Variants in ABLIM3 observed in about 807,000 individuals in gnomAD.
ABLIM3 encodes the protein actin-binding LIM protein 3.
In ABLIM3, 61 loss-of-function variants were observed where a neutral mutation model predicts 109.5. That is an observed-to-expected ratio of 0.56 (90% CI 0.45 to 0.69). ABLIM3 has a LOEUF of 0.69. Ranked by LOEUF, ABLIM3 falls within the 30% of genes least tolerant of loss-of-function variation. The probability of loss-of-function intolerance (pLI) is 0.00; values close to 1 mark genes in which losing one functional copy is unlikely to be tolerated. For synonymous variants in ABLIM3, 300 were observed against 324.8 expected (o/e 0.92, Z 0.82); for missense variants, 796 against 889.5 (o/e 0.89, Z 1.34).
intron 8 of ABLIM3, chr5:149,217,664 C>T (rs1581156172): frequency 6.5e-6 from 1 of 152,772 alleles, no homozygotes; most frequent in Non-Finnish European, 1.5e-5. Flanking sequence ...AGCCCACCAT[C>T]CCAGGGCATC....
chr5:149,217,431 C>T, intron 8 of ABLIM3: 1 of 210,192 alleles, frequency 4.8e-6, no homozygotes, highest in Non-Finnish European at 9.7e-6. Flanking sequence ...ACAGCCTCTA[C>T]TCTACCTCCT....
rs533772540 is a variant in ABLIM3, at chr5:149,206,787, G to A, written c.449-221G>A. ...ATGTGGTCTTGATGACAAGCAGGGA[G>A]GTCTTTCTTTCTCTCCTACACCAAG... On this transcript the variant is annotated intron_variant, in intron 5 of 23. Coordinates refer to ENST00000309868, the MANE Select transcript of ABLIM3 (RefSeq NM_014945.5). Among the ~76,000 whole-genome samples the A allele has an allele frequency of 7.9e-5, 12 of 152,116 alleles. No individual in the cohort carries two copies. The South Asian group carries it at 2.3e-3, about 29-fold the overall frequency.
intron 23 of ABLIM3, among the ~76,000 whole-genome samples, chr5:149,256,272 A>G (rs1338695402): frequency 6.6e-6 from 1 of 152,152 alleles, no homozygotes; most frequent in Non-Finnish European, 1.5e-5. Flanking sequence ...TGATAGAGAA[A>G]CTCAACTGGA....
intron 2 of ABLIM3, among the ~76,000 whole-genome samples, chr5:149,160,440 AGAGT>A (rs1439333889): frequency 6.7e-6 from 1 of 148,348 alleles, no homozygotes; most frequent in African/African-American, 2.5e-5. Context: ...TCTGGGCGAC[AGAGT>A]GAGTGAGACT....
chr5:149,147,006 G>T (rs1752991738), intron 2 of ABLIM3, among the ~76,000 whole-genome samples: 1 of 151,818 alleles, frequency 6.6e-6, no homozygotes, highest in Non-Finnish European at 1.5e-5. Context: ...GTGTTTTGTA[G>T]TTCTCCTCGA....
intron 22 of ABLIM3, 144 bp from the exon 23 acceptor site, chr5:149,252,613 C>A: frequency 1.5e-6 from 1 of 684,012 alleles, no homozygotes; most frequent in East Asian, 2.5e-5. Flanking sequence ...TGGGCAACCC[C>A]AAGAAGGGCA....
At chr5:149,193,041 G>C (rs1262914938) in intron 3 of ABLIM3, among the ~76,000 whole-genome samples, 1 of 152,030 alleles carries the variant, frequency 6.6e-6, no homozygotes, top group Non-Finnish European at 1.5e-5. Context: ...AGGTACATCA[G>C]ACAAATGCAA....
rs988852979 is a variant in ABLIM3, at chr5:149,248,743, A to G, written c.1699+814A>G. Among the ~76,000 whole-genome samples, 13 of 151,640 alleles carry G rather than the reference A, an allele frequency of 8.6e-5. No homozygotes were observed. In the East Asian group the frequency reaches 1.9e-3, roughly 23 times the overall value. ...GTCTTATAATCATCGGAATGGCTCA[A>G]AGATGTAAGGGATGGCCTCCTGAGG... On this transcript the variant is annotated intron_variant, in intron 18 of 23. Transcript: ENST00000309868.
chr5:149,228,734 T>G (rs910403438), intron 8 of ABLIM3, among the ~76,000 whole-genome samples: 3 of 152,232 alleles, frequency 2.0e-5, no homozygotes, highest in African/African-American at 7.2e-5. Context: ...TCCTAAATTC[T>G]GATTTTTTTC....
chr5:149,193,380 T>G (rs184162793), intron 3 of ABLIM3, among the ~76,000 whole-genome samples: 31 of 152,108 alleles, frequency 2.0e-4, no homozygotes, highest in Non-Finnish European at 3.4e-4. Flanking sequence ...AAAAAAAGTT[T>G]AATTTAGAAA....
intron 3 of ABLIM3, 51 bp downstream of exon 3, chr5:149,183,640 C>A: frequency 6.8e-7 from 1 of 1,471,148 alleles, no homozygotes; most frequent in Non-Finnish European, 9.0e-7. Context: ...ACCATTCTTG[C>A]ACCATCAGGT....
At chr5:149,185,554 A>G (rs538674663) in intron 3 of ABLIM3, among the ~76,000 whole-genome samples, 3 of 152,302 alleles carry the variant, frequency 2.0e-5, no homozygotes, top group African/African-American at 7.2e-5. Context: ...GAACGGAATA[A>G]TTTGGCCATT....
chr5:149,142,622 C>G (rs1024135994), intron 2 of ABLIM3, among the ~76,000 whole-genome samples: 5 of 152,260 alleles, frequency 3.3e-5, no homozygotes, highest in Middle Eastern at 3.4e-3. Flanking sequence ...AGATCCAGCT[C>G]CCGAGTGCCT....
At chr5:149,213,281 C>A (rs1445826841) in intron 7 of ABLIM3, among the ~76,000 whole-genome samples, 1 of 152,158 alleles carries the variant, frequency 6.6e-6, no homozygotes, top group African/African-American at 2.4e-5. Flanking sequence ...CTGACACCAA[C>A]CTTGGCGAGC....
At chr5:149,173,465 G>T (rs1373225384) in intron 2 of ABLIM3, among the ~76,000 whole-genome samples, 14 of 152,140 alleles carry the variant, frequency 9.2e-5, no homozygotes, top group Admixed American at 9.2e-4. Flanking sequence ...TGCTTGTCCT[G>T]GTGTGGCCAG....
chr5:149,229,643 C>T (rs1761647250), intron 8 of ABLIM3, among the ~76,000 whole-genome samples: 1 of 152,246 alleles, frequency 6.6e-6, no homozygotes, highest in Admixed American at 6.5e-5. Flanking sequence ...CAAACAAATG[C>T]CATCTGGATG....
intron 7 of ABLIM3, among the ~76,000 whole-genome samples, chr5:149,214,580 C>G (rs1178704358): frequency 6.6e-6 from 1 of 152,164 alleles, no homozygotes; most frequent in Non-Finnish European, 1.5e-5. Context: ...GTAGCCCCAC[C>G]AAGGAAAGGC....
chr5:149,190,712 C>G (rs866094940), intron 3 of ABLIM3, among the ~76,000 whole-genome samples: 5 of 151,874 alleles, frequency 3.3e-5, no homozygotes, highest in Admixed American at 6.6e-5. Flanking sequence ...AATAAAAGAC[C>G]CAAAGCAAAG....
At chr5:149,200,287 G>A (rs1197681139) in intron 4 of ABLIM3, 29 bp from the exon 5 acceptor site, 7 of 1,596,656 alleles carry the variant, frequency 4.4e-6, no homozygotes, top group Non-Finnish European at 4.3e-6. Context: ...AAGAGGGTGT[G>A]TTGAATTTCT....
Sources: gnomAD v4.1 joint callset for allele counts (sites outside exome capture counted in the v4.1 genomes callset) on GRCh38, gnomAD v4.1.1 for gene constraint, MANE v1.5 for transcripts, NCBI Gene and HGNC (gene_info 2026-07-23, HGNC 2026-07-21) for gene names.